The following CCDC60 variants were observed in gnomAD, a reference collection of about 807,000 sequenced individuals.
CCDC60 encodes coiled-coil domain-containing protein 60.
A neutral mutation model predicts 63.5 loss-of-function variants in CCDC60; 54 were observed. The ratio of observed to expected loss-of-function variants is 0.85; its 90% CI spans 0.68 to 1.07. The LOEUF (loss-of-function observed/expected upper bound fraction) is 1.07. CCDC60 is among the 50% of genes least tolerant of loss of function. The pLI is 0.00. For missense variants in CCDC60, 651 were observed against 684.3 expected (o/e 0.95, Z 0.54); for synonymous variants, 206 against 238.8 (o/e 0.86, Z 1.27).
chr12:119,529,843 T>C (rs770434362), intron 12 of CCDC60, among the ~76,000 whole-genome samples: 2 of 152,190 alleles, frequency 1.3e-5, no homozygotes, highest in Non-Finnish European at 2.9e-5. Flanking sequence ...AAATTAATGC[T>C]GGTCCTCCCA....
intron 13 of CCDC60, among the ~76,000 whole-genome samples, chr12:119,533,610 G>A (rs1952921533): frequency 6.6e-6 from 1 of 152,150 alleles, no homozygotes; most frequent in South Asian, 2.1e-4. Context: ...TTGTAAGGAA[G>A]GGATCCAGTT....
chr12:119,416,680 A>C (rs1490476842), intron 1 of CCDC60, among the ~76,000 whole-genome samples: 2 of 152,220 alleles, frequency 1.3e-5, no homozygotes, highest in African/African-American at 4.8e-5. Context: ...CTCCAGCCTG[A>C]AGCAGGACTG....
At chr12:119,389,783 G>A (rs1381282992) in intron 1 of CCDC60, among the ~76,000 whole-genome samples, 4 of 151,910 alleles carry the variant, frequency 2.6e-5, no homozygotes, top group Non-Finnish European at 5.9e-5. Flanking sequence ...CCAACACACA[G>A]GCATGCACAC....
At chr12:119,423,999 TA>T (rs1464861739) in intron 1 of CCDC60, among the ~76,000 whole-genome samples, 4 of 152,232 alleles carry the variant, frequency 2.6e-5, no homozygotes, top group Non-Finnish European at 4.4e-5. Context: ...TTATTAAAAT[TA>T]ATCTATGTGA....
intron 1 of CCDC60, among the ~76,000 whole-genome samples, chr12:119,379,944 C>A (rs1376648674): frequency 6.6e-6 from 1 of 152,162 alleles, no homozygotes; most frequent in Non-Finnish European, 1.5e-5. Flanking sequence ...GTACAGTGGA[C>A]AATTGAAGGT....
intron 2 of CCDC60, among the ~76,000 whole-genome samples, chr12:119,440,297 G>A (rs957864443): frequency 6.6e-5 from 10 of 152,276 alleles, no homozygotes; most frequent in Admixed American, 5.2e-4. Context: ...TTGGGAGGCC[G>A]AGGCGGGCGG....
chr12:119,481,184 C>T (rs1410811079), intron 4 of CCDC60, among the ~76,000 whole-genome samples: 3 of 152,192 alleles, frequency 2.0e-5, no homozygotes, highest in Non-Finnish European at 4.4e-5. Flanking sequence ...CCACTGTCCC[C>T]CTACCTCTCT....
intron 1 of CCDC60, among the ~76,000 whole-genome samples, chr12:119,426,427 G>A (rs1212197021): frequency 6.6e-6 from 1 of 151,872 alleles, no homozygotes; most frequent in East Asian, 1.9e-4. Context: ...GCGATCTCAG[G>A]TGACAGCAGC....
chr12:119,354,215 T>G (rs1467221436), intron 1 of CCDC60, among the ~76,000 whole-genome samples: 1 of 152,158 alleles, frequency 6.6e-6, no homozygotes, highest in Admixed American at 6.5e-5. Context: ...TGTAACAATT[T>G]TATCTGTTTA....
At position 119,418,386 on chromosome 12, in the gene CCDC60, C is replaced by CTTTTTTTTTTTTTTTTTTTTTTTTTTT. The variant is rs556783132; in HGVS notation, c.91-10277_91-10251dup. On this transcript the variant is annotated intron_variant, in intron 1 of 13. Coordinates refer to ENST00000327554, the MANE Select transcript of CCDC60 (RefSeq NM_178499.5). The stretch of plus-strand genomic sequence containing the variant: ...TCTTTCTTTTTCCTTTTCTTTCTTT[C>CTTTTTTTTTTTTTTTTTTTTTTTTTTT]TTTTTTTTTTTTTTTTTTTTTTTTT... Among the ~76,000 whole-genome samples, 3 of 65,752 alleles carry CTTTTTTTTTTTTTTTTTTTTTTTTTTT rather than the reference C, an allele frequency of 4.6e-5. 1 individual carries two copies. Among genetic ancestry groups the CTTTTTTTTTTTTTTTTTTTTTTTTTTT allele is most frequent in the Non-Finnish European group, 5.4e-5 (2 of 37,254 alleles). The allele number at this position is 65,752 out of a possible 152,430, so 43.1% of individuals were successfully genotyped here. A position where few individuals can be genotyped will look rare whatever the true frequency, so the allele number is the denominator to read the frequency against.
chr12:119,530,822 G>T, intron 12 of CCDC60, 52 bp from the exon 13 acceptor site: 1 of 1,504,534 alleles, frequency 6.6e-7, no homozygotes, highest in South Asian at 1.2e-5. Context: ...GGCCAGAGGT[G>T]CTCAGATCTT....
At chr12:119,356,471 T>C (rs1379224216) in intron 1 of CCDC60, among the ~76,000 whole-genome samples, 2 of 152,238 alleles carry the variant, frequency 1.3e-5, no homozygotes, top group Non-Finnish European at 2.9e-5. Flanking sequence ...CTAGAGACTT[T>C]AGCAAAGAAC....
At chr12:119,495,152 C>G (rs1951692065) in intron 5 of CCDC60, among the ~76,000 whole-genome samples, 1 of 152,170 alleles carries the variant, frequency 6.6e-6, no homozygotes, top group African/African-American at 2.4e-5. Flanking sequence ...CAAAGTTGCA[C>G]AGCTAGCAAA....
intron 5 of CCDC60, among the ~76,000 whole-genome samples, chr12:119,491,608 A>G (rs1951586072): frequency 6.6e-6 from 1 of 152,188 alleles, no homozygotes; most frequent in East Asian, 1.9e-4. Context: ...GATTACAGGC[A>G]TGAGCCACTG....
At chr12:119,512,823 G>A (rs534796265) in intron 7 of CCDC60, among the ~76,000 whole-genome samples, 1 of 152,200 alleles carries the variant, frequency 6.6e-6, no homozygotes, top group African/African-American at 2.4e-5. Context: ...CTCTCCCTTT[G>A]GTTGCTCACG....
intron 4 of CCDC60, among the ~76,000 whole-genome samples, chr12:119,482,101 C>A (rs1268069611): frequency 7.0e-6 from 1 of 142,426 alleles, no homozygotes; most frequent in Non-Finnish European, 1.5e-5. Context: ...TATATATACA[C>A]ATATATACAC....
intron 1 of CCDC60, among the ~76,000 whole-genome samples, chr12:119,396,698 A>G (rs1009752050): frequency 6.6e-6 from 1 of 152,158 alleles, no homozygotes; most frequent in African/African-American, 2.4e-5. Context: ...TAGACAATAT[A>G]GCAAGACCCA....
At chr12:119,482,654 T>G (rs1951352817) in intron 4 of CCDC60, among the ~76,000 whole-genome samples, 1 of 152,172 alleles carries the variant, frequency 6.6e-6, no homozygotes, top group South Asian at 2.1e-4. Flanking sequence ...ATGACTTTAT[T>G]AGTAAGCTAT....
chr12:119,406,670 G>A (rs1409842717), intron 1 of CCDC60, among the ~76,000 whole-genome samples: 1 of 151,186 alleles, frequency 6.6e-6, no homozygotes, highest in East Asian at 1.9e-4. Context: ...ATAATAAAAA[G>A]GTAAGCTGAA....
Sources: allele counts gnomAD v4.1 joint callset (sites outside exome capture counted in the v4.1 genomes callset), GRCh38; gene constraint gnomAD v4.1.1; transcripts MANE v1.5; gene names NCBI Gene and HGNC (gene_info 2026-07-23, HGNC 2026-07-21).